Variants in WASHC4 observed in about 807,000 individuals in gnomAD.
WASHC4 encodes the protein WASH complex subunit 4.
In WASHC4, 86 loss-of-function variants were observed where a neutral mutation model predicts 166.6. The ratio of observed to expected loss-of-function variants is 0.52; its 90% CI spans 0.43 to 0.62. The LOEUF (loss-of-function observed/expected upper bound fraction) is 0.62. WASHC4 is among the 20% of genes least tolerant of loss of function. WASHC4 has a pLI of 0.00. For synonymous variants in WASHC4, 446 were observed against 451.6 expected (o/e 0.99, Z 0.16); for missense variants, 1,262 against 1,382.4 (o/e 0.91, Z 1.38).
At chr12:105,130,195 A>G (rs923505025) in intron 13 of WASHC4, among the ~76,000 whole-genome samples, 1 of 152,252 alleles carries the variant, frequency 6.6e-6, no homozygotes, top group African/African-American at 2.4e-5. Context: ...TTTAGATAAA[A>G]TGAGTCTTAG....
chr12:105,140,634 T>C (rs928591977), intron 16 of WASHC4, among the ~76,000 whole-genome samples: 3 of 152,224 alleles, frequency 2.0e-5, no homozygotes, highest in Non-Finnish European at 4.4e-5. Flanking sequence ...GACATTGCAC[T>C]TTTGAAATTG....
intron 18 of WASHC4, among the ~76,000 whole-genome samples, chr12:105,141,938 T>C (rs1285737102): frequency 6.6e-6 from 1 of 151,658 alleles, no homozygotes; most frequent in Non-Finnish European, 1.5e-5. Context: ...TCTGTTGCCC[T>C]TTAAGGTGTG....
intron 32 of WASHC4, 111 bp from the exon 33 acceptor site, chr12:105,166,753 A>G (rs972796834): frequency 1.3e-6 from 1 of 745,224 alleles, no homozygotes; most frequent in Non-Finnish European, 2.4e-6. Flanking sequence ...GATGGATGCA[A>G]CTGTAATTTG....
rs1882742719 is a variant in WASHC4, at chr12:105,140,509, A to G, written c.1560+108A>G. On this transcript the variant is annotated intron_variant, in intron 16 of 32. Coordinates refer to ENST00000332180, the MANE Select transcript of WASHC4 (RefSeq NM_015275.3). Reference sequence around the variant, plus strand: ...TAACCTGTTTATTCCATTCCTTCAAACATAATATGCTCGGTTATTTATCTC... The same window carrying G: ...TAACCTGTTTATTCCATTCCTTCAAGCATAATATGCTCGGTTATTTATCTC... 4.8e-6 allele frequency: 4 copies of G among 825,518 alleles called. No homozygotes were observed. The South Asian group carries it at 5.8e-5, about 12-fold the overall frequency. The allele number at this position is 825,518 out of a possible 1,614,324, so 51.1% of individuals were successfully genotyped here.
chr12:105,141,877 C>G (rs1410840026), intron 18 of WASHC4, among the ~76,000 whole-genome samples: 1 of 151,888 alleles, frequency 6.6e-6, no homozygotes, highest in Non-Finnish European at 1.5e-5. Flanking sequence ...TAATTTTCCA[C>G]TCTTGGAAGA....
chr12:105,138,095 A>G (rs987937470), intron 15 of WASHC4, 84 bp downstream of exon 15: 5 of 1,358,744 alleles, frequency 3.7e-6, no homozygotes, highest in Non-Finnish European at 4.1e-6. Context: ...AGGTTTGACT[A>G]CATGATTATA....
In WASHC4 at chr12:105,143,174, A is replaced by G. The variant is rs1221122754; in HGVS notation, c.1941A>G (p.Ala647=). ...LRDCVPAMMH[A]RHLESYEILL... ...ACTGTGTACCTGCTATGATGCATGC[A>G]AGGCATTTAGAGTCCTATGAGATAC... is the stretch of plus-strand genomic sequence containing the variant. Residue 647 remains alanine (A), a synonymous_variant, in exon 20 of 33, where the codon GCA becomes GCG. Coordinates refer to ENST00000332180, the MANE Select transcript of WASHC4 (RefSeq NM_015275.3). The G allele has an allele frequency of 1.9e-6, 3 of 1,611,914 alleles. No homozygotes were observed. Among genetic ancestry groups the G allele is most frequent in the South Asian group, 1.1e-5 (1 of 90,990 alleles).
At chr12:105,133,026 C>T (rs1165490680) in intron 13 of WASHC4, among the ~76,000 whole-genome samples, 1 of 152,102 alleles carries the variant, frequency 6.6e-6, no homozygotes, top group Non-Finnish European at 1.5e-5. Flanking sequence ...TTCAACTCAT[C>T]AGATCCTCTT....
chr12:105,158,364 A>G (rs185156762), intron 28 of WASHC4, among the ~76,000 whole-genome samples: 31 of 152,330 alleles, frequency 2.0e-4, no homozygotes, highest in Non-Finnish European at 7.4e-5. Context: ...TGGCCAAGTG[A>G]TCAAACTTAG....
intron 1 of WASHC4, 29 bp from the exon 2 acceptor site, chr12:105,111,096 T>C (rs1253491587): frequency 1.3e-6 from 2 of 1,550,860 alleles, no homozygotes; most frequent in East Asian, 2.3e-5. Flanking sequence ...CTTGCACTTA[T>C]CACATACTGT....
chr12:105,136,796 T>C (rs1882366634), intron 14 of WASHC4, among the ~76,000 whole-genome samples: 2 of 152,198 alleles, frequency 1.3e-5, no homozygotes, highest in African/African-American at 4.8e-5. Flanking sequence ...GTCACCTTTC[T>C]TAGGATGCTA....
chr12:105,121,467 A>C (rs140745601), intron 9 of WASHC4, among the ~76,000 whole-genome samples: 222 of 152,260 alleles, frequency 1.5e-3, no homozygotes, highest in African/African-American at 5.0e-3. Flanking sequence ...CTTAGGACTC[A>C]GATTTATTGT....
chr12:105,116,766 T>TA lies in WASHC4; in HGVS notation c.435+1039dup, dbSNP rs1748411605. 2.6e-5 allele frequency among the ~76,000 whole-genome samples: 4 copies of TA among 152,130 alleles called. No homozygotes were observed. The South Asian group carries it at 8.3e-4, about 32-fold the overall frequency. ...TTAAATAAGAAGAGAGGGGATTCAA[T>TA]ATAGAGAATTGGTTACCCAGGAGTT... On this transcript the variant is annotated intron_variant, in intron 6 of 32. Transcript: ENST00000332180.
At chr12:105,131,355 G>A (rs917286719) in intron 13 of WASHC4, among the ~76,000 whole-genome samples, 1 of 152,022 alleles carries the variant, frequency 6.6e-6, no homozygotes, top group African/African-American at 2.4e-5. Flanking sequence ...CAAAGTGCTG[G>A]GATTACAGGC....
chr12:105,159,020 AAT>A (rs1592919176), intron 28 of WASHC4, among the ~76,000 whole-genome samples: 1 of 152,336 alleles, frequency 6.6e-6, no homozygotes. Flanking sequence ...TTTGCTCTGG[AAT>A]AGTCTGTTAG....
intron 27 of WASHC4, 66 bp downstream of exon 27, chr12:105,156,858 T>C (rs1884194283): frequency 9.1e-7 from 1 of 1,101,594 alleles, no homozygotes; most frequent in African/African-American, 1.5e-5. Context: ...ATTAAATATA[T>C]GTTACAAGTG....
chr12:105,127,234 G>A lies in WASHC4; in HGVS notation c.1144G>A (p.Ala382Thr). 6.2e-7 allele frequency: 1 copy of A among 1,612,824 alleles called. No individual in the cohort carries two copies. The highest frequency in any genetic ancestry group is 8.5e-7 in the Non-Finnish European group (1 of 1,179,000). ...AKLLDRKSLQ[A>T]IKIHRDTFLQ... is the part of the protein sequence containing the mutation. Reference sequence around the variant, plus strand: ...ACTGCTAGACAGAAAAAGTCTTCAAGCCATTAAAATACACAGGGATACTTT... The same window carrying A: ...ACTGCTAGACAGAAAAAGTCTTCAAACCATTAAAATACACAGGGATACTTT... Residue 382 changes from alanine to threonine, a missense_variant, in exon 13 of 33, where the codon GCC becomes ACC. Ala to Thr is a moderately conservative substitution (Grantham distance 58). Coordinates refer to ENST00000332180, the MANE Select transcript of WASHC4 (RefSeq NM_015275.3).
intron 15 of WASHC4, among the ~76,000 whole-genome samples, chr12:105,139,185 G>A (rs1882579151): frequency 6.6e-6 from 1 of 151,622 alleles, no homozygotes; most frequent in Non-Finnish European, 1.5e-5. Context: ...TATCCATGTT[G>A]GGATGAGTAG....
Position 105,139,598 on chromosome 12 carries a change from G to A in WASHC4, c.1453-696G>A, listed in dbSNP as rs528796354. On this transcript the variant is annotated intron_variant, in intron 15 of 32. Transcript: ENST00000332180. The stretch of plus-strand genomic sequence containing the variant: ...TTATGATTTTTAATATTTAACCCCT[G>A]ATTGTTAGTGATGGTAAATATCCTT... Among the ~76,000 whole-genome samples the A allele has an allele frequency of 7.9e-5, 12 of 151,328 alleles. No individual in the cohort carries two copies. In the South Asian group the frequency reaches 2.5e-3, roughly 32 times the overall value.
Sources: gnomAD v4.1 joint callset for allele counts (sites outside exome capture counted in the v4.1 genomes callset) on GRCh38, gnomAD v4.1.1 for gene constraint, MANE v1.5 for transcripts, NCBI Gene and HGNC (gene_info 2026-07-23, HGNC 2026-07-21) for gene names.